Variants in LINGO2 observed in about 807,000 individuals in gnomAD.
LINGO2 encodes leucine rich repeat and Ig domain containing 2.
A neutral mutation model predicts 30.6 loss-of-function variants in LINGO2; 14 were observed. That is an observed-to-expected ratio of 0.46 (90% CI 0.30 to 0.72). The LOEUF (loss-of-function observed/expected upper bound fraction) is 0.72, where lower values mean the gene tolerates loss of function less well. Among genes scored for constraint, LINGO2 ranks in the 30% least tolerant of loss-of-function variants. LINGO2 has a pLI of 0.07. For synonymous variants in LINGO2, 317 were observed against 288.5 expected (o/e 1.10, Z -1.00); for missense variants, 729 against 751.7 (o/e 0.97, Z 0.35).
At chr9:28,842,499 C>A in the LINGO2 span, among the ~76,000 whole-genome samples, 15 of 151,806 alleles carry the variant, frequency 9.9e-5, no homozygotes, top group African/African-American at 3.6e-4. Context: ...TCTTCAGGCA[C>A]AGAAATGAGA....
chr9:28,950,997 C>A, the LINGO2 span, among the ~76,000 whole-genome samples: 20 of 152,234 alleles, frequency 1.3e-4, no homozygotes, highest in East Asian at 3.7e-3. Context: ...AACTATACTA[C>A]AAGGCTACAG....
the LINGO2 span, among the ~76,000 whole-genome samples, chr9:28,896,488 A>AC: frequency 2.0e-5 from 3 of 152,018 alleles, no homozygotes; most frequent in African/African-American, 4.8e-5. Context: ...AGCAAGAAAT[A>AC]CATAATGAGA....
intron 3 of LINGO2, among the ~76,000 whole-genome samples, chr9:28,340,971 T>C (rs761930310): frequency 6.6e-6 from 1 of 152,048 alleles, no homozygotes; most frequent in Non-Finnish European, 1.5e-5. Context: ...AAAGGGCAAA[T>C]AAAATGCATA....
the LINGO2 span, among the ~76,000 whole-genome samples, chr9:28,825,078 TGTAA>T: frequency 1.3e-5 from 2 of 152,114 alleles, no homozygotes; most frequent in African/African-American, 4.8e-5. Flanking sequence ...GGCCCAAAAG[TGTAA>T]GTCTTATTTG....
At chr9:28,399,945 T>A (rs1429169288) in intron 2 of LINGO2, among the ~76,000 whole-genome samples, 1 of 152,182 alleles carries the variant, frequency 6.6e-6, no homozygotes, top group Admixed American at 6.5e-5. Flanking sequence ...AATACCATAC[T>A]TGAAGTAGTG....
intron 1 of LINGO2, among the ~76,000 whole-genome samples, chr9:28,635,957 A>T (rs1252866141): frequency 6.6e-6 from 1 of 151,984 alleles, no homozygotes; most frequent in Non-Finnish European, 1.5e-5. Flanking sequence ...TATATCTCCT[A>T]ATGCTATCCC....
At chr9:29,201,051 G>A in the LINGO2 span, among the ~76,000 whole-genome samples, 6 of 151,984 alleles carry the variant, frequency 3.9e-5, no homozygotes, top group Non-Finnish European at 8.8e-5. Context: ...TCACTTGGTT[G>A]AGGTCATGTT....
intron 2 of LINGO2, among the ~76,000 whole-genome samples, chr9:28,458,574 A>C (rs1213127585): frequency 3.9e-5 from 6 of 152,052 alleles, no homozygotes. Flanking sequence ...CTGGAGCAAA[A>C]ACTTGGTCAT....
the LINGO2 span, among the ~76,000 whole-genome samples, chr9:28,815,507 G>T: frequency 1.2e-4 from 19 of 152,114 alleles, no homozygotes; most frequent in African/African-American, 4.6e-4. Context: ...AACTCAAAAA[G>T]CTGATTTGTC....
the LINGO2 span, among the ~76,000 whole-genome samples, chr9:28,703,951 T>A: frequency 2.0e-5 from 3 of 152,020 alleles, no homozygotes; most frequent in Non-Finnish European, 4.4e-5. Flanking sequence ...AATTTTTGGA[T>A]ACATTGTTAC....
At chr9:28,501,303 T>C (rs901820963) in intron 1 of LINGO2, among the ~76,000 whole-genome samples, 4 of 152,326 alleles carry the variant, frequency 2.6e-5, no homozygotes, top group Middle Eastern at 6.8e-3. Context: ...TGAATGTGGC[T>C]ATAAATACTA....
chr9:28,602,397 G>C (rs776041506), intron 1 of LINGO2, among the ~76,000 whole-genome samples: 1 of 152,046 alleles, frequency 6.6e-6, no homozygotes, highest in Non-Finnish European at 1.5e-5. Flanking sequence ...TTAATGACAA[G>C]GACCATGAGT....
the LINGO2 span, among the ~76,000 whole-genome samples, chr9:29,042,162 G>C: frequency 2.0e-5 from 3 of 151,790 alleles, no homozygotes; most frequent in Admixed American, 2.0e-4. Context: ...TACTGGCAAG[G>C]ATATGAAGAT....
chr9:28,892,235 C>G, the LINGO2 span, among the ~76,000 whole-genome samples: 4 of 151,952 alleles, frequency 2.6e-5, no homozygotes, highest in Non-Finnish European at 5.9e-5. Context: ...GTACTGAGCT[C>G]TAAGAGGTCA....
chr9:28,619,594 A>T (rs1422914183), intron 1 of LINGO2, among the ~76,000 whole-genome samples: 1 of 152,172 alleles, frequency 6.6e-6, no homozygotes, highest in East Asian at 1.9e-4. Flanking sequence ...ATCTAAAAAA[A>T]GCTCAGGAAT....
At chr9:28,650,219 G>A (rs1223684794) in intron 1 of LINGO2, among the ~76,000 whole-genome samples, 1 of 152,078 alleles carries the variant, frequency 6.6e-6, no homozygotes, top group Admixed American at 6.5e-5. Flanking sequence ...AACAAAAATT[G>A]TTCCAAATTG....
chr9:28,912,877 G>A, the LINGO2 span, among the ~76,000 whole-genome samples: 1 of 152,022 alleles, frequency 6.6e-6, no homozygotes, highest in Admixed American at 6.6e-5. Context: ...ATCACCTCCT[G>A]GCCTTCTTGA....
chr9:28,202,566 C>A (rs545933135), intron 4 of LINGO2, among the ~76,000 whole-genome samples: 1 of 152,040 alleles, frequency 6.6e-6, no homozygotes, highest in Admixed American at 6.6e-5. Context: ...CCCCGTCCCC[C>A]CCGCCAGAAA....
chr9:28,093,870 A>G (rs1481400257), intron 4 of LINGO2, among the ~76,000 whole-genome samples: 3 of 151,932 alleles, frequency 2.0e-5, no homozygotes, highest in African/African-American at 7.3e-5. Flanking sequence ...TTAACCATTG[A>G]CAACCATGCA....
Sources: gnomAD v4.1 joint callset for allele counts (sites outside exome capture counted in the v4.1 genomes callset) on GRCh38, gnomAD v4.1.1 for gene constraint, MANE v1.5 for transcripts, NCBI Gene and HGNC (gene_info 2026-07-23, HGNC 2026-07-21) for gene names.